The following EYS variants were observed in gnomAD, a reference collection of about 807,000 sequenced individuals.
The protein encoded by EYS is EGF-like photoreceptor maintenance factor, also known as protein eyes shut homolog.
Under a neutral mutation model 282.1 loss-of-function variants are expected in EYS, and 250 were observed. That is an observed-to-expected ratio of 0.89 (90% CI 0.80 to 0.98). EYS has a LOEUF of 0.98. EYS is among the 50% of genes least tolerant of loss of function. The probability of loss-of-function intolerance (pLI) is 0.00; values close to 1 mark genes in which losing one functional copy is unlikely to be tolerated. For missense variants in EYS, 4,016 were observed against 3,709.0 expected, an observed-to-expected ratio of 1.08 and a Z score of -2.15; for synonymous variants, 1,355 against 1,282.9, an observed-to-expected ratio of 1.06 and a Z score of -1.20.
chr6:64,187,345 A>T (rs1217252335), intron 31 of EYS, among the ~76,000 whole-genome samples: 1 of 152,166 alleles, frequency 6.6e-6, no homozygotes, highest in Admixed American at 6.6e-5. Context: ...AAATAAAAAG[A>T]TAATAAAAAC....
rs528109086 is a variant in EYS, at chr6:63,901,624, G to T, written c.7056-37266C>A. Among the ~76,000 whole-genome samples the T allele has an allele frequency of 6.6e-5, 10 of 152,306 alleles. 1 individual carries two copies. The East Asian group carries it at 1.9e-3, about 29-fold the overall frequency. On this transcript the variant is annotated intron_variant, in intron 35 of 42. Transcript: ENST00000503581. ...AAAGAAAAAAACTTGAAAGCAGCAAGAGAAAGCCAACTCTTCAAATATAGG... is the reference window on the plus strand; with the variant it reads ...AAAGAAAAAAACTTGAAAGCAGCAATAGAAAGCCAACTCTTCAAATATAGG...
intron 19 of EYS, among the ~76,000 whole-genome samples, chr6:64,834,012 AT>A (rs1242808102): frequency 6.6e-6 from 1 of 151,854 alleles, no homozygotes; most frequent in Non-Finnish European, 1.5e-5. Flanking sequence ...AAATTTAAGG[AT>A]TTTGTTTATC....
In EYS at chr6:63,816,030, G is replaced by C. The variant is rs1424857664; in HGVS notation, c.7229-9658C>G. On this transcript the variant is annotated intron_variant, in intron 36 of 42. Transcript: ENST00000503581. ...GCTGTTGAAGTACTAGAAGAAGGCA[G>C]TGGCATCTTGCAAAATACTAACTCA... 3.9e-5 allele frequency among the ~76,000 whole-genome samples: 6 copies of C among 152,238 alleles called. No individual in the cohort carries two copies. In the East Asian group the frequency reaches 1.2e-3, roughly 29 times the overall value.
intron 33 of EYS, among the ~76,000 whole-genome samples, chr6:64,011,526 A>G (rs1452791463): frequency 6.6e-6 from 1 of 151,040 alleles, no homozygotes; most frequent in Non-Finnish European, 1.5e-5. Flanking sequence ...AGGCATTTGA[A>G]TGCATCTGTC....
intron 36 of EYS, among the ~76,000 whole-genome samples, chr6:63,836,421 A>G (rs1417694705): frequency 6.6e-6 from 1 of 152,026 alleles, no homozygotes; most frequent in African/African-American, 2.4e-5. Context: ...ATTAACAGAA[A>G]GTTATTTGCA....
intron 33 of EYS, among the ~76,000 whole-genome samples, chr6:64,007,353 T>C (rs1167718413): frequency 6.6e-6 from 1 of 151,996 alleles, no homozygotes; most frequent in East Asian, 1.9e-4. Context: ...CCCTTTGTTA[T>C]CTCTGATTGT....
chr6:63,783,570 T>A (rs1770290049), intron 39 of EYS, among the ~76,000 whole-genome samples: 1 of 152,168 alleles, frequency 6.6e-6, no homozygotes, highest in Admixed American at 6.5e-5. Context: ...AAGACATACA[T>A]TCTCTAGGTA....
intron 30 of EYS, among the ~76,000 whole-genome samples, chr6:64,289,140 A>G (rs1186943482): frequency 1.3e-5 from 2 of 152,018 alleles, no homozygotes; most frequent in African/African-American, 4.8e-5. Context: ...AGGCTTATCA[A>G]TCATGACTTC....
At chr6:63,962,456 A>G (rs1766111078) in intron 35 of EYS, among the ~76,000 whole-genome samples, 1 of 152,260 alleles carries the variant, frequency 6.6e-6, no homozygotes, top group Admixed American at 6.5e-5. Flanking sequence ...AAAGGATATG[A>G]ACAGACACTT....
chr6:64,087,520 C>T (rs1772197305), intron 31 of EYS, among the ~76,000 whole-genome samples: 1 of 152,056 alleles, frequency 6.6e-6, no homozygotes, highest in African/African-American at 2.4e-5. Context: ...TCTCATCTAT[C>T]CTCCTACAGT....
At chr6:64,532,524 A>G (rs1040499600) in intron 26 of EYS, among the ~76,000 whole-genome samples, 2 of 152,086 alleles carry the variant, frequency 1.3e-5, no homozygotes, top group African/African-American at 4.8e-5. Flanking sequence ...CCTGGCTAAC[A>G]TGGTGAAACC....
chr6:65,456,202 T>C (rs60717217), intron 5 of EYS, among the ~76,000 whole-genome samples: 2,002 of 152,032 alleles, frequency 0.013, 43 homozygotes, highest in African/African-American at 0.046. Context: ...CCCGTAACCC[T>C]AGCACTTTGG....
At chr6:65,578,810 C>T (rs1369176959) in intron 2 of EYS, among the ~76,000 whole-genome samples, 1 of 151,882 alleles carries the variant, frequency 6.6e-6, no homozygotes, top group East Asian at 1.9e-4. Context: ...ACAAAATAAC[C>T]TCATAAAAAA....
chr6:63,947,686 T>G (rs1240165868), intron 35 of EYS, among the ~76,000 whole-genome samples: 1 of 152,120 alleles, frequency 6.6e-6, no homozygotes, highest in Non-Finnish European at 1.5e-5. Context: ...AAGTCAGTGG[T>G]AAAGATGTTA....
intron 31 of EYS, among the ~76,000 whole-genome samples, chr6:64,095,847 C>T (rs920291482): frequency 1.1e-4 from 17 of 152,130 alleles, no homozygotes; most frequent in African/African-American, 3.9e-4. Flanking sequence ...TTCTTCCTAG[C>T]CTCGATGGTC....
intron 28 of EYS, among the ~76,000 whole-genome samples, chr6:64,409,810 T>C (rs56162209): frequency 0.038 from 5,842 of 152,204 alleles, 365 homozygotes; most frequent in African/African-American, 0.13. Flanking sequence ...GTCTATAGGG[T>C]CTCAAGTACA....
chr6:64,000,168 CTTTTTTTTTTTTT>C lies in EYS; in HGVS notation c.6726-998_6726-986del, dbSNP rs71551553. Among the ~76,000 whole-genome samples, 49 of 42,698 alleles carry C rather than the reference CTTTTTTTTTTTTT, an allele frequency of 1.1e-3. 1 individual carries two copies. The highest frequency in any genetic ancestry group is 0.017 in the Middle Eastern group (1 of 60). 28.0% of individuals were successfully genotyped at this position (42,698 alleles called of 152,430 possible). On this transcript the variant is annotated intron_variant, in intron 33 of 42. Transcript: ENST00000503581. ...CTGAGGAGTTTCCCAAGACATGGGA[CTTTTTTTTTTTTT>C]TTTTTTTTTTTTTTTTTTTTTTTTT... is the stretch of plus-strand genomic sequence containing the variant.
chr6:64,401,491 A>T (rs1215849177), intron 28 of EYS, among the ~76,000 whole-genome samples: 1 of 152,092 alleles, frequency 6.6e-6, no homozygotes, highest in Admixed American at 6.6e-5. Flanking sequence ...AATAAAAATT[A>T]TAAACATCAA....
At chr6:65,005,901 A>T (rs1384728525) in intron 13 of EYS, among the ~76,000 whole-genome samples, 1 of 152,132 alleles carries the variant, frequency 6.6e-6, no homozygotes, top group Non-Finnish European at 1.5e-5. Flanking sequence ...GGTCCCGACC[A>T]CGACTTTTTT....
Sources: gnomAD v4.1 joint callset for allele counts (sites outside exome capture counted in the v4.1 genomes callset) on GRCh38, gnomAD v4.1.1 for gene constraint, MANE v1.5 for transcripts, NCBI Gene and HGNC (gene_info 2026-07-23, HGNC 2026-07-21) for gene names.